Variants in ANK1 observed in about 807,000 individuals in gnomAD.
The protein encoded by ANK1 is ankyrin-1.
Under a neutral mutation model 210.4 loss-of-function variants are expected in ANK1, and 51 were observed. The observed-to-expected ratio is 0.24, with a 90% CI of 0.19 to 0.31. The LOEUF (loss-of-function observed/expected upper bound fraction) is 0.31, where lower values mean the gene tolerates loss of function less well. ANK1 is among the 10% of genes least tolerant of loss of function. The probability of loss-of-function intolerance (pLI) is 1.00; values close to 1 mark genes in which losing one functional copy is unlikely to be tolerated. For missense variants in ANK1, 2,051 were observed against 2,504.4 expected (o/e 0.82, Z 3.86); for synonymous variants, 967 against 1,025.9 (o/e 0.94, Z 1.10).
rs1409228750 is a variant in ANK1, at chr8:41,749,267, T to TG, written c.129+8768dup. Reference sequence around the variant, plus strand: ...GGTCAATAAATGTTTGCAGAATAAATGAATGAGCAGAGAAATTTCATCTTG... The same window carrying TG: ...GGTCAATAAATGTTTGCAGAATAAATGGAATGAGCAGAGAAATTTCATCTTG... On this transcript the variant is annotated intron_variant, in intron 2 of 42. Transcript: ENST00000289734. 1.9e-4 allele frequency among the ~76,000 whole-genome samples: 28 copies of TG among 151,204 alleles called. 1 individual carries two copies. Among genetic ancestry groups the TG allele is most frequent in the South Asian group, 4.2e-4 (2 of 4,784 alleles).
chr8:41,797,752 A>G (rs983163930), upstream of ANK1: 71 of 604,690 alleles, frequency 1.2e-4, no homozygotes, highest in African/African-American at 1.2e-3. The surrounding 1 kb of genome is among the most constrained non-coding windows in gnomAD (Gnocchi z 4.0). Context: ...GCAGATTACA[A>G]GAGCACCTCC....
At chr8:41,868,865 A>G (rs1399476850) in intron 1 of ANK1, among the ~76,000 whole-genome samples, 12 of 152,210 alleles carry the variant, frequency 7.9e-5, no homozygotes, top group Admixed American at 7.2e-4. Context: ...CACTGCACCC[A>G]AGGCCTATTT....
intron 1 of ANK1, among the ~76,000 whole-genome samples, chr8:41,855,228 G>A (rs1206696135): frequency 6.6e-6 from 1 of 152,212 alleles, no homozygotes; most frequent in Non-Finnish European, 1.5e-5. Context: ...TAAATGAGAT[G>A]CATTGAGAGA....
In ANK1 at chr8:41,708,817, C is replaced by G; in HGVS notation, c.1959G>C (p.Leu653=). The G allele has an allele frequency of 6.2e-7, 1 of 1,614,004 alleles. No individual in the cohort carries two copies. Among genetic ancestry groups the G allele is most frequent in the Non-Finnish European group, 8.5e-7 (1 of 1,180,026 alleles). The part of the protein sequence containing the change: ...AQEGHAEMVA[L]LLSKQANGNL... ...TGCCATTGGCTTGTTTCGAGAGCAG[C>G]AGAGCCACCATCTCTGCGTGGCCCT... The change falls in exon 17 of 43, where the codon CTG becomes CTC. Residue 653 remains leucine, a synonymous_variant. Transcript: ENST00000289734.
rs1849016645 is a variant in ANK1, at chr8:41,797,602, G to T, written c.-64C>A. On this transcript the variant is annotated 5_prime_UTR_variant, in exon 1 of 43. Transcript: ENST00000289734. This position sits in a 1 kb window ranked among gnomAD's most constrained non-coding sequence, Gnocchi z 4.0. ...GGCTTGAGGAGGAGCAGCTGGGGCT[G>T]GCGGACTCACCGCAGCCTCTGCGGG... 6.2e-7 allele frequency: 1 copy of T among 1,606,532 alleles called. No homozygotes were observed. Among genetic ancestry groups the T allele is most frequent in the Non-Finnish European group, 8.5e-7 (1 of 1,177,632 alleles).
chr8:41,795,716 C>G (rs1848615976), intron 1 of ANK1, among the ~76,000 whole-genome samples: 1 of 151,034 alleles, frequency 6.6e-6, no homozygotes, highest in Admixed American at 6.6e-5. Context: ...TTTCTTGGAC[C>G]TAGAGAATAG....
intron 36 of ANK1, among the ~76,000 whole-genome samples, chr8:41,684,996 C>T (rs1319643215): frequency 6.6e-6 from 1 of 152,178 alleles, no homozygotes; most frequent in African/African-American, 2.4e-5. Flanking sequence ...TGCAATGGGG[C>T]AATCTCGGCT....
intron 1 of ANK1, among the ~76,000 whole-genome samples, chr8:41,811,222 G>A (rs749204745): frequency 1.6e-4 from 24 of 152,204 alleles, no homozygotes; most frequent in Non-Finnish European, 2.1e-4. Context: ...CATGAATGCA[G>A]CTTCAATCTC....
At chr8:41,877,371 C>T (rs1816785539) in intron 1 of ANK1, among the ~76,000 whole-genome samples, 1 of 152,244 alleles carries the variant, frequency 6.6e-6, no homozygotes, top group Admixed American at 6.5e-5. Context: ...GAGATGCAGA[C>T]AACAGCCCTC....
intron 1 of ANK1, among the ~76,000 whole-genome samples, chr8:41,781,076 GTTC>G (rs1845219554): frequency 6.6e-6 from 1 of 152,206 alleles, no homozygotes; most frequent in Non-Finnish European, 1.5e-5. Context: ...TCTCTGCCTG[GTTC>G]TTCTACATTT....
chr8:41,692,217 C>T (rs962521352), intron 31 of ANK1, among the ~76,000 whole-genome samples: 19 of 152,108 alleles, frequency 1.2e-4, no homozygotes, highest in Non-Finnish European at 2.5e-4. Context: ...CCATCATGCC[C>T]GGCTAATTTT....
chr8:41,817,323 C>G (rs532256543), intron 1 of ANK1, among the ~76,000 whole-genome samples: 2 of 152,178 alleles, frequency 1.3e-5, no homozygotes, highest in South Asian at 4.1e-4. Flanking sequence ...ATGCAAGACA[C>G]TTTTGTTTCC....
chr8:41,687,646 G>A (rs1405236427), intron 35 of ANK1, among the ~76,000 whole-genome samples: 9 of 152,146 alleles, frequency 5.9e-5, no homozygotes, highest in African/African-American at 1.2e-4. Flanking sequence ...CTCTTTCACC[G>A]CTGCAACCCC....
At chr8:41,848,185 CAAAAATAA>C (rs1324749449) in intron 1 of ANK1, among the ~76,000 whole-genome samples, 1 of 76,124 alleles carries the variant, frequency 1.3e-5, no homozygotes, top group Non-Finnish European at 2.8e-5. Flanking sequence ...GACTCAATTT[CAAAAATAA>C]ATAAATAAAT....
intron 1 of ANK1, among the ~76,000 whole-genome samples, chr8:41,836,062 G>A (rs1587318725): frequency 6.6e-6 from 1 of 152,310 alleles, no homozygotes; most frequent in East Asian, 1.9e-4. Context: ...TGTTCAGGTC[G>A]GGGTGGCGAT....
At chr8:41,800,552 GCCCATGA>G (rs1344578909), upstream of ANK1, among the ~76,000 whole-genome samples, 9 of 152,282 alleles carry the variant, frequency 5.9e-5, no homozygotes, top group African/African-American at 1.7e-4. Flanking sequence ...AGTGTCATGT[GCCCATGA>G]CCCAGCTAAC....
At position 41,831,561 on chromosome 8, in the gene ANK1, T is replaced by G. The variant is rs116752624; in HGVS notation, c.126+64794A>C. Reference sequence around the variant, plus strand: ...TACTCGGGAAACTGAGGCAGAAGGATTGCTTGAACCCAGGAATTGGAGGTT... The same window carrying G: ...TACTCGGGAAACTGAGGCAGAAGGAGTGCTTGAACCCAGGAATTGGAGGTT... On this transcript the variant is annotated intron_variant, in intron 1 of 42. Coordinates refer to the ANK1 transcript ENST00000265709. Among the ~76,000 whole-genome samples, 272 of 149,730 alleles carry G rather than the reference T, an allele frequency of 1.8e-3. 2 individuals are homozygous for G. The highest frequency in any genetic ancestry group is 6.5e-3 in the African/African-American group (263 of 40,630).
At chr8:41,682,523 T>C (rs1183408223) in intron 37 of ANK1, among the ~76,000 whole-genome samples, 1 of 152,224 alleles carries the variant, frequency 6.6e-6, no homozygotes, top group Non-Finnish European at 1.5e-5. Context: ...TGGCATGTGG[T>C]TGATACTTGA....
chr8:41,741,579 G>GAAA (rs11380785), intron 2 of ANK1, among the ~76,000 whole-genome samples: 3 of 141,286 alleles, frequency 2.1e-5, no homozygotes, highest in Non-Finnish European at 1.5e-5. Flanking sequence ...GACCTTACCT[G>GAAA]AAAAAAAAAA....
Sources: gnomAD v4.1 joint callset for allele counts (sites outside exome capture counted in the v4.1 genomes callset) on GRCh38, gnomAD v4.1.1 for gene constraint, Gnocchi (gnomAD v3.1) non-coding constraint, MANE v1.5 for transcripts, NCBI Gene and HGNC (gene_info 2026-07-23, HGNC 2026-07-21) for gene names.